Variants in DYM observed in about 807,000 individuals in gnomAD.
The protein encoded by DYM is dyggve-Melchior-Clausen syndrome protein.
Under a neutral mutation model 93.1 loss-of-function variants are expected in DYM, and 78 were observed. The ratio of observed to expected loss-of-function variants is 0.84; its 90% CI spans 0.70 to 1.01. The LOEUF (loss-of-function observed/expected upper bound fraction) is 1.01, where lower values mean the gene tolerates loss of function less well. Among genes scored for constraint, DYM ranks in the 50% least tolerant of loss-of-function variants. The pLI is 0.00. For missense variants in DYM, 789 were observed against 845.0 expected (o/e 0.93, Z 0.82); for synonymous variants, 321 against 319.7 (o/e 1.00, Z -0.04).
chr18:49,437,353 C>A (rs2080948465), intron 1 of DYM, among the ~76,000 whole-genome samples: 1 of 152,144 alleles, frequency 6.6e-6, no homozygotes, highest in South Asian at 2.1e-4. Flanking sequence ...ATATATGAAG[C>A]ACTTCATTCC....
intron 6 of DYM, among the ~76,000 whole-genome samples, chr18:49,339,253 C>A (rs539766404): frequency 6.6e-6 from 1 of 152,166 alleles, no homozygotes; most frequent in Non-Finnish European, 1.5e-5. Context: ...CGCGTGCATG[C>A]GCACGTGCCA....
intron 5 of DYM, among the ~76,000 whole-genome samples, chr18:49,374,130 T>C (rs757446668): frequency 4.6e-5 from 7 of 152,186 alleles, no homozygotes; most frequent in Non-Finnish European, 1.0e-4. Context: ...CTGTGAAAGA[T>C]GATGGGGTGG....
chr18:49,128,298 G>A (rs755544850), intron 15 of DYM, among the ~76,000 whole-genome samples: 5 of 152,182 alleles, frequency 3.3e-5, no homozygotes, highest in South Asian at 2.1e-4. Context: ...AGACAAGTGC[G>A]TACCAGAGCT....
At chr18:49,101,198 G>C (rs1340129613) in intron 16 of DYM, among the ~76,000 whole-genome samples, 1 of 152,148 alleles carries the variant, frequency 6.6e-6, no homozygotes, top group African/African-American at 2.4e-5. Context: ...ATGAGACACA[G>C]CCAATAACAG....
intron 8 of DYM, among the ~76,000 whole-genome samples, chr18:49,294,698 T>C (rs1195984608): frequency 6.6e-6 from 1 of 152,148 alleles, no homozygotes; most frequent in Non-Finnish European, 1.5e-5. Context: ...AGTTACTGCT[T>C]TTTCATATTA....
At position 49,037,516 on chromosome 18, in the gene DYM, C is replaced by A. The variant is rs908841749; in HGVS notation, c.*6539G>T. On this transcript the variant is annotated 3_prime_UTR_variant, in exon 18 of 18. Coordinates refer to ENST00000675505, the MANE Select transcript of DYM (RefSeq NM_001353214.3). ...TCTGGGTGACAGGATCATTAGGAGC[C>A]CAAACCTCAGCATCATCAATATATT... Among the ~76,000 whole-genome samples the A allele has an allele frequency of 2.6e-5, 4 of 151,994 alleles. No individual in the cohort carries two copies. The highest frequency in any genetic ancestry group is 2.6e-4 in the Admixed American group (4 of 15,264).
intron 17 of DYM, among the ~76,000 whole-genome samples, chr18:49,090,101 T>G (rs1599670537): frequency 6.6e-6 from 1 of 152,242 alleles, no homozygotes; most frequent in Non-Finnish European, 1.5e-5. Context: ...AGGTATTACA[T>G]TATTCTAGCA....
chr18:49,178,695 G>A (rs182647078), intron 14 of DYM, among the ~76,000 whole-genome samples: 39 of 152,018 alleles, frequency 2.6e-4, no homozygotes, highest in Non-Finnish European at 4.0e-4. Context: ...GAAAATAAAC[G>A]ATAGTAATCC....
At chr18:49,380,962 T>C (rs1436031450) in intron 3 of DYM, among the ~76,000 whole-genome samples, 1 of 152,172 alleles carries the variant, frequency 6.6e-6, no homozygotes, top group African/African-American at 2.4e-5. Context: ...AGTTCATTCT[T>C]ATGCAGATCT....
intron 6 of DYM, among the ~76,000 whole-genome samples, chr18:49,337,990 G>A (rs1476304705): frequency 6.6e-6 from 1 of 152,162 alleles, no homozygotes; most frequent in East Asian, 1.9e-4. Context: ...TGGGAGCAAA[G>A]GGACTCGAAC....
At chr18:49,232,511 G>A (rs1182111185) in intron 13 of DYM, among the ~76,000 whole-genome samples, 1 of 150,882 alleles carries the variant, frequency 6.6e-6, no homozygotes, top group Admixed American at 6.6e-5. Context: ...CACCGTGTTA[G>A]CCAGGATGGT....
At chr18:49,296,425 G>T (rs2146071629) in intron 8 of DYM, among the ~76,000 whole-genome samples, 1 of 152,278 alleles carries the variant, frequency 6.6e-6, no homozygotes, top group Middle Eastern at 3.4e-3. Context: ...GCCTGCTATG[G>T]ATTGAGCAAA....
chr18:49,039,094 G>A lies in DYM; in HGVS notation c.*4961C>T, dbSNP rs1007225888. 6.6e-6 allele frequency among the ~76,000 whole-genome samples: 1 copy of A among 151,858 alleles called. No homozygotes were observed. The highest frequency in any genetic ancestry group is 1.5e-5 in the Non-Finnish European group (1 of 67,980). ...AAACACCTTTTAAATTTTCCTTTAG[G>A]GTAGGCGTGCTGATTAATTCTTCTA... On this transcript the variant is annotated 3_prime_UTR_variant, in exon 18 of 18. Transcript: ENST00000675505.
At chr18:49,288,501 G>A (rs996803206) in intron 8 of DYM, among the ~76,000 whole-genome samples, 7 of 152,088 alleles carry the variant, frequency 4.6e-5, no homozygotes, top group African/African-American at 1.7e-4. Flanking sequence ...AATCTAGGCT[G>A]GGTATAGGGG....
chr18:49,446,689 G>C (rs866619997), intron 1 of DYM, among the ~76,000 whole-genome samples: 1 of 152,110 alleles, frequency 6.6e-6, no homozygotes, highest in Non-Finnish European at 1.5e-5. Flanking sequence ...ACAGAGATAC[G>C]GATACATCAA....
chr18:49,135,021 T>A (rs1337573045), intron 15 of DYM, among the ~76,000 whole-genome samples: 1 of 151,988 alleles, frequency 6.6e-6, no homozygotes, highest in African/African-American at 2.4e-5. Context: ...GGCAGGAGAA[T>A]CACTTGAATC....
intron 6 of DYM, among the ~76,000 whole-genome samples, chr18:49,362,513 GCT>G (rs985799638): frequency 6.6e-6 from 1 of 152,162 alleles, no homozygotes. Flanking sequence ...TGGTTCAGCA[GCT>G]CAATGACATC....
chr18:49,081,697 G>A (rs2078056321), intron 17 of DYM, among the ~76,000 whole-genome samples: 1 of 152,198 alleles, frequency 6.6e-6, no homozygotes, highest in Non-Finnish European at 1.5e-5. Context: ...GATGTGGACT[G>A]GCAGAGTTTA....
At chr18:49,397,398 G>C (rs1230191606) in intron 2 of DYM, among the ~76,000 whole-genome samples, 1 of 152,122 alleles carries the variant, frequency 6.6e-6, no homozygotes. Context: ...TATTTTTACA[G>C]ATAAGCAAAC....
Sources: allele counts gnomAD v4.1 joint callset (sites outside exome capture counted in the v4.1 genomes callset), GRCh38; gene constraint gnomAD v4.1.1; transcripts MANE v1.5; gene names NCBI Gene and HGNC (gene_info 2026-07-23, HGNC 2026-07-21).